ADCK1: variants seen among roughly 807,000 people sequenced by gnomAD.
The protein encoded by ADCK1 is aarF domain-containing protein kinase 1.
ADCK1 carries 41 observed loss-of-function variants against 52.3 expected under a neutral mutation model. The ratio of observed to expected loss-of-function variants is 0.78; its 90% CI spans 0.61 to 1.02. The LOEUF is 1.02. Ranked by LOEUF, ADCK1 falls within the 50% of genes least tolerant of loss-of-function variation. The pLI, the probability that ADCK1 is intolerant of heterozygous loss-of-function variation, is 0.00. For synonymous variants in ADCK1, 250 were observed against 274.6 expected, an observed-to-expected ratio of 0.91 and a Z score of 0.89; for missense variants, 658 against 679.5, an observed-to-expected ratio of 0.97 and a Z score of 0.35.
At chr14:77,859,893 C>T (rs2082506642) in intron 4 of ADCK1, among the ~76,000 whole-genome samples, 1 of 152,172 alleles carries the variant, frequency 6.6e-6, no homozygotes, top group Non-Finnish European at 1.5e-5. Context: ...GTTGTTGTTT[C>T]CCTACGCTCT....
chr14:77,869,107 G>C (rs1410957329), intron 4 of ADCK1, among the ~76,000 whole-genome samples: 1 of 152,138 alleles, frequency 6.6e-6, no homozygotes, highest in Admixed American at 6.5e-5. Context: ...GTAATTCAAT[G>C]CCCAGAGAGC....
In ADCK1 at chr14:77,922,393, C is replaced by T. The variant is rs191045101; in HGVS notation, c.859-2064C>T. Among the ~76,000 whole-genome samples the T allele has an allele frequency of 1.2e-4, 18 of 152,302 alleles. No homozygotes were observed. In the East Asian group the frequency reaches 2.5e-3, roughly 21 times the overall value. On this transcript the variant is annotated intron_variant, in intron 7 of 10. Transcript: ENST00000238561. The stretch of plus-strand genomic sequence containing the variant: ...AGGAGCTGGAGGGCTGGCGTGGTAG[C>T]GGGCATAGTGTCTTACATCTCTTCA...
intron 9 of ADCK1, among the ~76,000 whole-genome samples, chr14:77,930,382 A>G (rs996193579): frequency 1.3e-5 from 2 of 152,184 alleles, no homozygotes; most frequent in Admixed American, 1.3e-4. Flanking sequence ...GGGTCTCCTC[A>G]TTATGACTTG....
intron 3 of ADCK1, among the ~76,000 whole-genome samples, chr14:77,836,358 C>T (rs1052738837): frequency 2.0e-5 from 3 of 152,238 alleles, no homozygotes; most frequent in Non-Finnish European, 4.4e-5. Context: ...AAGATGGCTT[C>T]TGCTGCACTG....
intron 3 of ADCK1, among the ~76,000 whole-genome samples, chr14:77,848,543 G>A (rs2082217553): frequency 6.6e-6 from 1 of 152,194 alleles, no homozygotes. Context: ...TTGGGTCACT[G>A]CAGCCTCCAC....
At chr14:77,884,200 G>T (rs545703884) in intron 4 of ADCK1, among the ~76,000 whole-genome samples, 1 of 152,208 alleles carries the variant, frequency 6.6e-6, no homozygotes, top group African/African-American at 2.4e-5. Flanking sequence ...GATGTCAGAT[G>T]ACCCCCAAAT....
rs147173876 is a variant in ADCK1, at chr14:77,900,854, A to G, written c.741+1596A>G. On this transcript the variant is annotated intron_variant, in intron 6 of 10. Coordinates refer to ENST00000238561, the MANE Select transcript of ADCK1 (RefSeq NM_020421.4). ...AATTTGTGTTTTCAAAACAAGTATT[A>G]TAGCAGAACTGTTCTATGTAATAAG... Among the ~76,000 whole-genome samples the G allele has an allele frequency of 5.3e-3, 809 of 152,370 alleles. 6 individuals carry two copies. The highest frequency in any genetic ancestry group is 7.7e-3 in the Non-Finnish European group (522 of 68,046).
intron 3 of ADCK1, among the ~76,000 whole-genome samples, chr14:77,856,662 A>G (rs2082423130): frequency 6.6e-6 from 1 of 152,182 alleles, no homozygotes; most frequent in Admixed American, 6.5e-5. Context: ...CTTATTAGCT[A>G]TTCACTGCCT....
intron 7 of ADCK1, among the ~76,000 whole-genome samples, chr14:77,910,363 G>T (rs2083764614): frequency 6.6e-6 from 1 of 152,026 alleles, no homozygotes; most frequent in African/African-American, 2.4e-5. Context: ...ACAAGTCAGG[G>T]CTTCTGACTC....
chr14:77,852,907 ATTTTTTTTTTT>A (rs71303864), intron 3 of ADCK1, among the ~76,000 whole-genome samples: 5 of 28,954 alleles, frequency 1.7e-4, no homozygotes, highest in South Asian at 1.1e-3. Context: ...ATATATATAT[ATTTTTTTTTTT>A]TTTTTTTTTT....
intron 1 of ADCK1, among the ~76,000 whole-genome samples, chr14:77,810,656 G>A (rs2081320920): frequency 6.6e-6 from 1 of 151,186 alleles, no homozygotes; most frequent in Admixed American, 6.6e-5. Flanking sequence ...TCAGCCTCCC[G>A]AGTAGCTGGG....
At chr14:77,926,637 T>G (rs550018455) in intron 9 of ADCK1, among the ~76,000 whole-genome samples, 2 of 152,350 alleles carry the variant, frequency 1.3e-5, no homozygotes, top group East Asian at 3.9e-4. Context: ...CACATCACCA[T>G]GCCTGGCTAA....
chr14:77,928,526 A>G (rs1454981596), intron 9 of ADCK1, among the ~76,000 whole-genome samples: 2 of 151,796 alleles, frequency 1.3e-5, no homozygotes, highest in East Asian at 3.9e-4. Context: ...CAGTGGCACA[A>G]TCTTGGCTCA....
chr14:77,880,423 CA>C (rs2082996998), intron 4 of ADCK1, among the ~76,000 whole-genome samples: 1 of 152,214 alleles, frequency 6.6e-6, no homozygotes, highest in Admixed American at 6.6e-5. Flanking sequence ...TCTGCAGAAC[CA>C]ATAGTTTGAT....
At chr14:77,841,712 T>C (rs1045299966) in intron 3 of ADCK1, among the ~76,000 whole-genome samples, 2 of 137,812 alleles carry the variant, frequency 1.5e-5, no homozygotes, top group African/African-American at 5.5e-5. Flanking sequence ...CAGGCGTGGG[T>C]GTGTGCCTGT....
At chr14:77,898,681 C>G (rs2083463916) in intron 5 of ADCK1, among the ~76,000 whole-genome samples, 1 of 152,112 alleles carries the variant, frequency 6.6e-6, no homozygotes, top group African/African-American at 2.4e-5. Context: ...GGAAAAAGAG[C>G]TAATGCATGC....
At chr14:77,831,430 C>T (rs2081847219) in intron 3 of ADCK1, among the ~76,000 whole-genome samples, 1 of 152,086 alleles carries the variant, frequency 6.6e-6, no homozygotes, top group Non-Finnish European at 1.5e-5. Context: ...TGTAAATTTG[C>T]TATAAGAACC....
intron 5 of ADCK1, among the ~76,000 whole-genome samples, chr14:77,895,267 G>A (rs533345447): frequency 6.6e-6 from 1 of 152,284 alleles, no homozygotes; most frequent in South Asian, 2.1e-4. Context: ...CTGAAATTAC[G>A]ATTCCCCCAA....
intron 3 of ADCK1, among the ~76,000 whole-genome samples, chr14:77,852,660 A>AATAAATATATATATATATAT (rs1372819667): frequency 2.5e-4 from 8 of 31,730 alleles, no homozygotes; most frequent in African/African-American, 9.1e-4. Context: ...TAAATAAATA[A>AATAAATATATATATATATAT]ATATATATAT....
Sources: allele counts gnomAD v4.1 joint callset (sites outside exome capture counted in the v4.1 genomes callset), GRCh38; gene constraint gnomAD v4.1.1; transcripts MANE v1.5; gene names NCBI Gene and HGNC (gene_info 2026-07-23, HGNC 2026-07-21).